KIF17: variants seen among roughly 807,000 people sequenced by gnomAD.
The protein encoded by KIF17 is kinesin-like protein KIF17.
A neutral mutation model predicts 96.8 loss-of-function variants in KIF17; 80 were observed. That is an observed-to-expected ratio of 0.83 (90% CI 0.69 to 1.00). The LOEUF (loss-of-function observed/expected upper bound fraction) is 1.00, where lower values mean the gene tolerates loss of function less well. Among genes scored for constraint, KIF17 ranks in the 50% least tolerant of loss-of-function variants. The pLI is 0.00. For missense variants in KIF17, 1,280 were observed against 1,372.9 expected (o/e 0.93, Z 1.07); for synonymous variants, 567 against 587.5 (o/e 0.97, Z 0.51).
chr1:20,709,752 T>A lies in KIF17; in HGVS notation c.557A>T (p.Glu186Val), dbSNP rs200398452. 31 of 1,614,004 alleles carry A rather than the reference T, an allele frequency of 1.9e-5. No individual in the cohort carries two copies. Among genetic ancestry groups the A allele is most frequent in the African/African-American group, 2.7e-5 (2 of 74,922 alleles). The change falls in exon 4 of 15, where the codon GAG (glutamate) becomes GTG (valine). Residue 186 changes from glutamate to valine, a missense_variant. Physicochemically the swap from Glu to Val is moderately radical, Grantham distance 121. Transcript: ENST00000400463. The surrounding 1 kb of genome is among the most constrained non-coding windows in gnomAD (Gnocchi z 4.7). ...CTTCCAGCCAGTCTCCATGATGTGC[T>A]CACACTGGGCCACGCTGTGCACCGT... Reference protein sequence around the residue: ...MHTVHSVAQCEHIMETGWKNR... With the variant: ...MHTVHSVAQCVHIMETGWKNR...
rs148607892 is a variant in KIF17 at position 20,665,631 on chromosome 1, C to T, written c.2908+583G>A. Among the ~76,000 whole-genome samples, 141 of 152,116 alleles carry T rather than the reference C, an allele frequency of 9.3e-4. 2 individuals are homozygous for T. Among genetic ancestry groups the T allele is most frequent in the African/African-American group, 3.2e-3 (133 of 41,466 alleles). On this transcript the variant is annotated intron_variant, in intron 14 of 14. Transcript: ENST00000400463. Reference sequence around the variant, plus strand: ...GGCCAGGCTTGTCTTGAACTCCTGGCCTCAAGTGATCCACCCGCCTCAGCC... The same window carrying T: ...GGCCAGGCTTGTCTTGAACTCCTGGTCTCAAGTGATCCACCCGCCTCAGCC...
At chr1:20,703,158 A>AGGATGGAGAT (rs1014394218) in intron 5 of KIF17, among the ~76,000 whole-genome samples, 7 of 132,972 alleles carry the variant, frequency 5.3e-5, no homozygotes, top group South Asian at 4.8e-4. Context: ...GATAGAAGGA[A>AGGATGGAGAT]GGATGGAGAT....
chr1:20,702,139 C>T (rs12739325), intron 5 of KIF17, among the ~76,000 whole-genome samples: 3,872 of 152,262 alleles, frequency 0.025, 92 homozygotes, highest in Non-Finnish European at 0.033. Flanking sequence ...TGCCTCACAG[C>T]ACACACAAGG....
chr1:20,716,233 C>T (rs1163843260), intron 1 of KIF17, among the ~76,000 whole-genome samples: 2 of 138,304 alleles, frequency 1.4e-5, no homozygotes, highest in East Asian at 4.0e-4. Flanking sequence ...CAGCGCGAGA[C>T]TCCGTCTCAA....
intron 6 of KIF17, among the ~76,000 whole-genome samples, chr1:20,698,113 CA>C (rs1262871170): frequency 6.6e-6 from 1 of 152,210 alleles, no homozygotes; most frequent in Non-Finnish European, 1.5e-5. Flanking sequence ...GAGACACCTC[CA>C]CACCCCTCTG....
Position 20,709,557 on chromosome 1 carries a change from CG to C in KIF17, c.670+81del. The C allele has an allele frequency of 6.7e-7, 1 of 1,493,502 alleles. No homozygotes were observed. The highest frequency in any genetic ancestry group is 9.3e-7 in the Non-Finnish European group (1 of 1,071,948). 92.5% of individuals were successfully genotyped at this position (1,493,502 alleles called of 1,614,324 possible). The stretch of plus-strand genomic sequence containing the variant: ...TCTTCCCACTTTCCAGGGGCTCCTG[CG>C]GCCCCGAGAGGTGGCGTGCCTTGGC... On this transcript the variant is annotated intron_variant, in intron 4 of 14. Transcript: ENST00000400463. The surrounding 1 kb of genome is among the most constrained non-coding windows in gnomAD (Gnocchi z 4.7).
Position 20,682,885 on chromosome 1 carries a change from C to T in KIF17, c.2232-1G>A. The T allele has an allele frequency of 6.2e-7, 1 of 1,608,904 alleles. No homozygotes were observed. ...AACCTGCTGCTCCAACAGCTGCAGA[C>T]TGCCGGCGTGGAGGAGAAAGCAAAC... On this transcript the variant is annotated splice_acceptor_variant, in intron 10 of 14. Transcript: ENST00000400463. LOFTEE classifies it high-confidence loss of function.
In KIF17 at chr1:20,672,117, C is replaced by T; in HGVS notation, c.2543G>A (p.Arg848His). Residue 848 changes from arginine (R) to histidine (H), a missense_variant, in exon 12 of 15, where the codon CGC (arginine) becomes CAC (histidine). Physicochemically the swap from Arg to His is conservative, Grantham distance 29. Transcript: ENST00000400463. This position sits in a 1 kb window ranked among gnomAD's most constrained non-coding sequence, Gnocchi z 4.3. ...LEKIDYLATIRRQERDSMLLQ... is the reference protein window; with the variant it reads ...LEKIDYLATIHRQERDSMLLQ... ...GAGCATGGAGTCACGCTCCTGCCGG[C>T]GGATGGTGGCCAAGTAATCGATCTT... The T allele has an allele frequency of 3.7e-6, 6 of 1,614,146 alleles. No individual in the cohort carries two copies. Among genetic ancestry groups the T allele is most frequent in the Non-Finnish European group, 5.1e-6 (6 of 1,180,040 alleles).
At chr1:20,682,062 C>A (rs967098887) in intron 11 of KIF17, among the ~76,000 whole-genome samples, 1 of 152,130 alleles carries the variant, frequency 6.6e-6, no homozygotes, top group African/African-American at 2.4e-5. Flanking sequence ...TCAATATTCT[C>A]TTACTTATTT....
intron 2 of KIF17, among the ~76,000 whole-genome samples, chr1:20,714,479 G>T (rs1367915194): frequency 6.6e-6 from 1 of 152,136 alleles, no homozygotes; most frequent in Non-Finnish European, 1.5e-5. Flanking sequence ...GAAAGAGCAA[G>T]ACTCCGTCTC....
chr1:20,690,728 C>T (rs1283138970), intron 6 of KIF17, among the ~76,000 whole-genome samples: 1 of 151,804 alleles, frequency 6.6e-6, no homozygotes, highest in Non-Finnish European at 1.5e-5. Context: ...GCTCTGTCGC[C>T]CAGGCTGGAG....
chr1:20,677,140 G>T (rs1256553589), intron 11 of KIF17, among the ~76,000 whole-genome samples: 1 of 152,238 alleles, frequency 6.6e-6, no homozygotes, highest in Non-Finnish European at 1.5e-5. Flanking sequence ...GAGCCCAGGA[G>T]GTTGAAGTTG....
intron 8 of KIF17, among the ~76,000 whole-genome samples, chr1:20,686,897 A>G (rs954307113): frequency 6.6e-6 from 1 of 152,162 alleles, no homozygotes; most frequent in Non-Finnish European, 1.5e-5. Context: ...AGGGTTGTTG[A>G]AAAGGGAGAA....
At chr1:20,686,841 G>A (rs866643353) in intron 8 of KIF17, among the ~76,000 whole-genome samples, 28 of 152,220 alleles carry the variant, frequency 1.8e-4, no homozygotes, top group Admixed American at 1.6e-3. Flanking sequence ...GATTACAGGC[G>A]TGAGCCAATG....
At chr1:20,682,353 C>A (rs756443725) in intron 11 of KIF17, among the ~76,000 whole-genome samples, 86 of 152,058 alleles carry the variant, frequency 5.7e-4, no homozygotes, top group Non-Finnish European at 1.1e-3. Flanking sequence ...TGAGACCCTG[C>A]CTGTCCAAAA....
chr1:20,665,621 G>C (rs978697709), intron 14 of KIF17, among the ~76,000 whole-genome samples: 2 of 151,826 alleles, frequency 1.3e-5, no homozygotes, highest in African/African-American at 4.8e-5. Flanking sequence ...GGCTTGTCTT[G>C]AACTCCTGGC....
At chr1:20,714,011 AC>A (rs1390723281) in intron 2 of KIF17, among the ~76,000 whole-genome samples, 3 of 151,894 alleles carry the variant, frequency 2.0e-5, no homozygotes, top group Non-Finnish European at 4.4e-5. Context: ...ACAAGGTGAA[AC>A]CCCCGTCTCT....
At chr1:20,667,083 C>A (rs748805906) in intron 13 of KIF17, among the ~76,000 whole-genome samples, 1 of 152,188 alleles carries the variant, frequency 6.6e-6, no homozygotes, top group Admixed American at 6.5e-5. Context: ...GGTTTCCAAC[C>A]CCCAGGCCAT....
intron 7 of KIF17, 92 bp from the exon 8 acceptor site, chr1:20,688,036 TTTTG>T: frequency 2.6e-6 from 3 of 1,145,880 alleles, no homozygotes; most frequent in Non-Finnish European, 3.8e-6. Context: ...GTGTTGTTTT[TTTTG>T]TTTGTTTTTT....
Sources: allele counts gnomAD v4.1 joint callset (sites outside exome capture counted in the v4.1 genomes callset), GRCh38; gene constraint gnomAD v4.1.1; non-coding constraint Gnocchi (gnomAD v3.1); transcripts MANE v1.5; gene names NCBI Gene and HGNC (gene_info 2026-07-23, HGNC 2026-07-21).